Variants in TXNL4A observed in about 807,000 individuals in gnomAD.
TXNL4A encodes thioredoxin-like protein 4A.
A neutral mutation model predicts 14.6 loss-of-function variants in TXNL4A; 17 were observed. The ratio of observed to expected loss-of-function variants is 1.16; its 90% confidence interval spans 0.80 to 1.74. The LOEUF (loss-of-function observed/expected upper bound fraction) is 1.74. Among genes scored for constraint, TXNL4A ranks in the 40% most tolerant of loss-of-function variants. The pLI, the probability that TXNL4A is intolerant of heterozygous loss-of-function variation, is 0.00. For missense variants in TXNL4A, 74 were observed against 195.2 expected, an observed-to-expected ratio of 0.38 and a Z score of 3.70; for synonymous variants, 83 against 70.6, an observed-to-expected ratio of 1.18 and a Z score of -0.88.
At chr18:80,024,624 C>G (rs1235764239) in intron 1 of TXNL4A, among the ~76,000 whole-genome samples, 1 of 152,178 alleles carries the variant, frequency 6.6e-6, no homozygotes, top group Non-Finnish European at 1.5e-5. Flanking sequence ...TCTCAGGCAA[C>G]TGAGAATCAC....
rs1419494881 is a variant in TXNL4A at position 80,011,147 on chromosome 18, A to G, written c.-61+22704T>C. Among the ~76,000 whole-genome samples, 1 of 152,292 alleles carries G rather than the reference A, an allele frequency of 6.6e-6. No homozygotes were observed. Among genetic ancestry groups the G allele is most frequent in the East Asian group, 1.9e-4 (1 of 5,192 alleles). On this transcript the variant is annotated intron_variant, in intron 1 of 2. Transcript: ENST00000585474. This position sits in a 1 kb window ranked among gnomAD's most constrained non-coding sequence, Gnocchi z 4.1. Reference sequence around the variant, plus strand: ...GGAAACAATTTGGGTTATATCATTGAGTATGCAAAGGCCAAACACTAATAT... The same window carrying G: ...GGAAACAATTTGGGTTATATCATTGGGTATGCAAAGGCCAAACACTAATAT...
chr18:79,998,838 C>G (rs1179212037), intron 1 of TXNL4A, among the ~76,000 whole-genome samples: 2 of 151,940 alleles, frequency 1.3e-5, no homozygotes, highest in South Asian at 4.2e-4. Flanking sequence ...ACTCTCTTGT[C>G]AGGCCCTTCT....
At chr18:80,014,032 C>T (rs921323014) in intron 1 of TXNL4A, among the ~76,000 whole-genome samples, 1 of 152,152 alleles carries the variant, frequency 6.6e-6, no homozygotes, top group Non-Finnish European at 1.5e-5. Context: ...TATTCACTAT[C>T]CTGAGACTAG....
rs1873666595 is a variant in TXNL4A at position 79,973,560 on chromosome 18, T to C, written c.*125A>G. 2 of 1,254,272 alleles carry C rather than the reference T, an allele frequency of 1.6e-6. No individual in the cohort carries two copies. The highest frequency in any genetic ancestry group is 2.2e-6 in the Non-Finnish European group (2 of 921,348). The allele number at this position is 1,254,272 out of a possible 1,614,324, so 77.7% of individuals were successfully genotyped here. On this transcript the variant is annotated 3_prime_UTR_variant, in exon 3 of 3. Coordinates refer to ENST00000269601, the MANE Select transcript of TXNL4A (RefSeq NM_006701.5). ...ATTTCGGTGAGTTAAGACCATGTTA[T>C]CAATTCCATCTCAGAGGTGCTCCAG...
At chr18:80,026,777 T>C (rs1264606330) in intron 1 of TXNL4A, among the ~76,000 whole-genome samples, 3 of 152,170 alleles carry the variant, frequency 2.0e-5, no homozygotes, top group Non-Finnish European at 4.4e-5. Context: ...TGTCAATCTT[T>C]TGGGCCATGA....
chr18:80,011,351 G>A lies in TXNL4A; in HGVS notation c.-61+22500C>T, dbSNP rs72970192. The stretch of plus-strand genomic sequence containing the variant: ...TAAATTTTTCTCTACCTGACTGGAA[G>A]TGTTGATCCAGAAACAGCATGTTTT... On this transcript the variant is annotated intron_variant, in intron 1 of 2. Transcript: ENST00000585474. The surrounding 1 kb of genome is among the most constrained non-coding windows in gnomAD (Gnocchi z 4.1). Among the ~76,000 whole-genome samples the A allele has an allele frequency of 0.24, 36,628 of 152,088 alleles. 5,725 individuals are homozygous for A. The highest frequency in any genetic ancestry group is 0.35 in the Non-Finnish European group (23,880 of 67,972).
intron 1 of TXNL4A, among the ~76,000 whole-genome samples, chr18:79,996,820 G>C (rs975159887): frequency 6.6e-6 from 1 of 152,210 alleles, no homozygotes; most frequent in African/African-American, 2.4e-5. Flanking sequence ...GCGCATGCCT[G>C]TAATCCCAGC....
At chr18:80,010,275 A>G (rs542302569) in intron 1 of TXNL4A, among the ~76,000 whole-genome samples, 3 of 152,162 alleles carry the variant, frequency 2.0e-5, no homozygotes, top group East Asian at 3.9e-4. Flanking sequence ...TGGGTTCTCT[A>G]TGAACTGGAA....
intron 1 of TXNL4A, among the ~76,000 whole-genome samples, chr18:80,000,162 G>A (rs188968622): frequency 5.8e-4 from 88 of 152,304 alleles, no homozygotes; most frequent in Non-Finnish European, 1.0e-3. Context: ...TTTGGAACTG[G>A]GTAACAGGTA....
At chr18:80,001,210 G>A (rs559283850) in intron 1 of TXNL4A, among the ~76,000 whole-genome samples, 24 of 152,320 alleles carry the variant, frequency 1.6e-4, no homozygotes, top group African/African-American at 4.8e-4. Flanking sequence ...CAGCTTCCAC[G>A]TGATGTGGAG....
chr18:79,982,698 C>T lies in TXNL4A; in HGVS notation c.154-4997G>A, dbSNP rs1474145542. On this transcript the variant is annotated intron_variant, in intron 1 of 2. Transcript: ENST00000269601. This position sits in a 1 kb window ranked among gnomAD's most constrained non-coding sequence, Gnocchi z 4.0. ...GAACAGAGGACTTCAGTGTGGACAA[C>T]TTTCAAAAGCCGTGGCTATGGAGAG... Among the ~76,000 whole-genome samples, 3 of 152,160 alleles carry T rather than the reference C, an allele frequency of 2.0e-5. No individual in the cohort carries two copies. Among genetic ancestry groups the T allele is most frequent in the African/African-American group, 7.2e-5 (3 of 41,424 alleles).
upstream of TXNL4A, among the ~76,000 whole-genome samples, chr18:79,989,608 A>G (rs1431436455): frequency 2.6e-5 from 4 of 152,240 alleles, no homozygotes; most frequent in Non-Finnish European, 1.5e-5. Flanking sequence ...CTTTGGGTTC[A>G]TGCTGGAGAC....
intron 1 of TXNL4A, among the ~76,000 whole-genome samples, chr18:79,986,360 T>C (rs1223908973): frequency 3.3e-5 from 5 of 152,156 alleles, no homozygotes; most frequent in Non-Finnish European, 7.3e-5. Flanking sequence ...AATAACTATA[T>C]TATAATATTC....
intron 1 of TXNL4A, among the ~76,000 whole-genome samples, chr18:80,026,552 A>G (rs2051885844): frequency 6.6e-6 from 1 of 152,226 alleles, no homozygotes; most frequent in East Asian, 1.9e-4. Flanking sequence ...TGACACAGGC[A>G]TGACTGTATC....
chr18:80,008,938 C>T (rs557383915), intron 1 of TXNL4A, among the ~76,000 whole-genome samples: 76 of 152,262 alleles, frequency 5.0e-4, no homozygotes, highest in Non-Finnish European at 9.0e-4. Flanking sequence ...CCACCACGCC[C>T]GACTAATTTT....
upstream of TXNL4A, among the ~76,000 whole-genome samples, chr18:79,989,769 C>T (rs2051612373): frequency 6.6e-6 from 1 of 151,992 alleles, no homozygotes. Flanking sequence ...CCGAGGCCGG[C>T]GGATCGCCTA....
upstream of TXNL4A, among the ~76,000 whole-genome samples, chr18:79,991,759 G>A (rs1049376716): frequency 1.2e-4 from 19 of 152,198 alleles, no homozygotes; most frequent in African/African-American, 4.3e-4. Flanking sequence ...TCTTGCCCAT[G>A]CTTGTTATTT....
chr18:79,982,721 G>A lies in TXNL4A; in HGVS notation c.154-5020C>T, dbSNP rs1230996830. 6.6e-6 allele frequency among the ~76,000 whole-genome samples: 1 copy of A among 152,190 alleles called. No homozygotes were observed. Among genetic ancestry groups the A allele is most frequent in the African/African-American group, 2.4e-5 (1 of 41,440 alleles). On this transcript the variant is annotated intron_variant, in intron 1 of 2. Transcript: ENST00000269601. The surrounding 1 kb of genome is among the most constrained non-coding windows in gnomAD (Gnocchi z 4.0). ...AACTTTCAAAAGCCGTGGCTATGGA[G>A]AGAGAGGGAAGTTACTGTGGGACTT...
At chr18:80,005,840 G>A (rs2051726675) in intron 1 of TXNL4A, among the ~76,000 whole-genome samples, 1 of 151,972 alleles carries the variant, frequency 6.6e-6, no homozygotes, top group Non-Finnish European at 1.5e-5. Flanking sequence ...CTTGAACCGC[G>A]AGGCAGAGGT....
Sources: gnomAD v4.1 joint callset for allele counts (sites outside exome capture counted in the v4.1 genomes callset) on GRCh38, gnomAD v4.1.1 for gene constraint, Gnocchi (gnomAD v3.1) non-coding constraint, MANE v1.5 for transcripts, NCBI Gene and HGNC (gene_info 2026-07-23, HGNC 2026-07-21) for gene names.